Variants in COL18A1 observed in about 807,000 individuals in gnomAD.
COL18A1 encodes the protein collagen alpha-1(XVIII) chain.
In COL18A1, 133 loss-of-function variants were observed where a neutral mutation model predicts 168.0. The observed-to-expected ratio is 0.79, with a 90% CI of 0.69 to 0.91. The LOEUF (loss-of-function observed/expected upper bound fraction) is 0.91. Among genes scored for constraint, COL18A1 ranks in the 40% least tolerant of loss-of-function variants. The pLI, the probability that COL18A1 is intolerant of heterozygous loss-of-function variation, is 0.00. For synonymous variants in COL18A1, 949 were observed against 809.0 expected (o/e 1.17, Z -2.94); for missense variants, 2,126 against 1,925.4 (o/e 1.10, Z -1.95).
Position 45,482,963 on chromosome 21 carries a change from C to A in COL18A1, c.1701+142C>A. On this transcript the variant is annotated intron_variant, in intron 15 of 41. Coordinates refer to ENST00000651438, the MANE Select transcript of COL18A1 (RefSeq NM_001379500.1). ...CTTGACCCCCACTCCTGCCATCTGT[C>A]CATCCGTCCTGCCGGAATCGCGGGC... The A allele has an allele frequency of 2.4e-6, 3 of 1,249,078 alleles. 1 individual carries two copies. The South Asian group carries it at 3.8e-5, about 16-fold the overall frequency. 77.4% of individuals were successfully genotyped at this position (1,249,078 alleles called of 1,614,324 possible).
chr21:45,440,378 G>A (rs1201706895), intron 2 of COL18A1, among the ~76,000 whole-genome samples: 1 of 152,224 alleles, frequency 6.6e-6, no homozygotes, highest in Non-Finnish European at 1.5e-5. Flanking sequence ...GCCTGCCAGG[G>A]GTCCACTGGG....
chr21:45,480,347 C>T (rs910653537), intron 11 of COL18A1, 120 bp from the exon 12 acceptor site: 83 of 1,569,602 alleles, frequency 5.3e-5, no homozygotes, highest in Non-Finnish European at 6.0e-5. Flanking sequence ...GCAGAGGGGC[C>T]GTGGTTTCTC....
intron 6 of COL18A1, among the ~76,000 whole-genome samples, 192 bp downstream of exon 6, chr21:45,476,672 T>G: frequency 6.8e-6 from 1 of 146,620 alleles, no homozygotes; most frequent in Admixed American, 6.9e-5. Flanking sequence ...TGGTGTGTGA[T>G]GTGCATGTTT....
chr21:45,499,019 G>A (rs1010115537), intron 32 of COL18A1, among the ~76,000 whole-genome samples: 4 of 152,192 alleles, frequency 2.6e-5, no homozygotes, highest in Non-Finnish European at 4.4e-5. Flanking sequence ...GTTTGCAGGC[G>A]GAATGGCTGA....
At chr21:45,508,125 GGGTGGGTGGGTGGATGGAAA>G (rs1568948178) in intron 38 of COL18A1, among the ~76,000 whole-genome samples, 2 of 151,268 alleles carry the variant, frequency 1.3e-5, no homozygotes, top group East Asian at 2.0e-4. Flanking sequence ...GTGAGTGGAC[GGGTGGGTGGGTGGATGGAAA>G]GGTGGGTGAG....
intron 2 of COL18A1, among the ~76,000 whole-genome samples, chr21:45,441,844 G>A (rs926677116): frequency 2.6e-5 from 4 of 152,174 alleles, no homozygotes; most frequent in South Asian, 2.1e-4. Flanking sequence ...CTGGGAACAC[G>A]GCTCTCTCCA....
rs764889872 is a variant in COL18A1 at position 45,494,848 on chromosome 21, C to A, written c.2380-14C>A. 2.5e-6 allele frequency: 4 copies of A among 1,605,266 alleles called. No individual in the cohort carries two copies. In the East Asian group the frequency reaches 9.0e-5, roughly 36 times the overall value. ...GGGTCTGCCCCACTAAGCCTGGCCC[C>A]CTTCCTCTTGCAGGGTCCATACGGA... is the stretch of plus-strand genomic sequence containing the variant. On this transcript the variant is annotated splice_polypyrimidine_tract_variant and intron_variant, in intron 27 of 41. Transcript: ENST00000651438.
At chr21:45,476,784 G>GGT (rs758385851) in intron 6 of COL18A1, among the ~76,000 whole-genome samples, 5 of 150,488 alleles carry the variant, frequency 3.3e-5, no homozygotes, top group South Asian at 2.1e-4. Context: ...TGTGTGGTGT[G>GGT]GTGTGTGTGT....
chr21:45,492,743 T>TACCC, intron 24 of COL18A1, 30 bp downstream of exon 24: 1 of 1,007,950 alleles, frequency 9.9e-7, no homozygotes, highest in African/African-American at 3.4e-5. Flanking sequence ...AGCTGCATGC[T>TACCC]GCCCGGCTGG....
chr21:45,426,727 C>T (rs546136238), intron 2 of COL18A1, among the ~76,000 whole-genome samples: 3 of 152,366 alleles, frequency 2.0e-5, no homozygotes, highest in Non-Finnish European at 4.4e-5. Flanking sequence ...TTGCCCACTT[C>T]GTCCAGCAGG....
intron 2 of COL18A1, among the ~76,000 whole-genome samples, chr21:45,438,760 G>A (rs566697391): frequency 4.9e-4 from 75 of 152,362 alleles, no homozygotes; most frequent in African/African-American, 1.7e-3. Flanking sequence ...GGACAAAGGC[G>A]CATCTAATCC....
In COL18A1 at chr21:45,437,869, GAC is replaced by G. The variant is rs145668539; in HGVS notation, c.107-30367_107-30366del. 1.2e-3 allele frequency among the ~76,000 whole-genome samples: 33 copies of G among 27,030 alleles called. 2 individuals are homozygous for G. The highest frequency in any genetic ancestry group is 2.8e-3 in the African/African-American group (7 of 2,470). The allele number at this position is 27,030 out of a possible 152,430, so 17.7% of individuals were successfully genotyped here. A position where few individuals can be genotyped will look rare whatever the true frequency, so the allele number is the denominator to read the frequency against. ...CTGCACACACTCACACTCACACTCA[GAC>G]ACACAGGCACTCTCCTGCACACACA... On this transcript the variant is annotated intron_variant, in intron 2 of 41. Coordinates refer to ENST00000651438, the MANE Select transcript of COL18A1 (RefSeq NM_001379500.1).
rs144923776 is a variant in COL18A1 at position 45,428,060 on chromosome 21, C to T, written c.106+22587C>T. ...ACTGCTCGCGCCGGCCAAGGCCCGT[C>T]GGCACCACCTCCTCCATGAAGCCTT... On this transcript the variant is annotated intron_variant, in intron 2 of 41. Transcript: ENST00000651438. Among the ~76,000 whole-genome samples, 222 of 152,320 alleles carry T rather than the reference C, an allele frequency of 1.5e-3. 1 individual carries two copies. The highest frequency in any genetic ancestry group is 3.4e-3 in the Middle Eastern group (1 of 294).
chr21:45,506,978 ACCCGGATGCAG>A (rs2037245416), intron 37 of COL18A1: 1 of 275,752 alleles, frequency 3.6e-6, no homozygotes, highest in Non-Finnish European at 7.3e-6. Context: ...GCTTGTAGGC[ACCCGGATGCAG>A]CCCCATCCTA....
intron 3 of COL18A1, among the ~76,000 whole-genome samples, chr21:45,470,481 GTTT>G (rs1260989970): frequency 5.1e-5 from 4 of 77,818 alleles, no homozygotes; most frequent in Non-Finnish European, 9.3e-5. Context: ...TTTTTTGTGG[GTTT>G]TTTTTTTGTT....
chr21:45,508,208 GTAT>G, intron 38 of COL18A1, among the ~76,000 whole-genome samples: 1 of 150,408 alleles, frequency 6.6e-6, no homozygotes, highest in African/African-American at 2.5e-5. Flanking sequence ...GTGGGTGAGT[GTAT>G]GAATGGGTGG....
chr21:45,495,377 G>A lies in COL18A1; in HGVS notation c.2453G>A (p.Gly818Glu). Residue 818 changes from glycine (G) to glutamate (E), a missense_variant, in exon 29 of 42, where the codon GGA becomes GAA. Transcript: ENST00000651438. ...CCCCAGGGTCGCCCCGGGATGAACGGATTGAAAGGAGAGAAAGGGGAGCCG... is the reference window on the plus strand; with the variant it reads ...CCCCAGGGTCGCCCCGGGATGAACGAATTGAAAGGAGAGAAAGGGGAGCCG... ...PGRPGRPGMN[G>E]LKGEKGEPGD... The A allele has an allele frequency of 6.2e-7, 1 of 1,611,346 alleles. No homozygotes were observed. Among genetic ancestry groups the A allele is most frequent in the Non-Finnish European group, 8.5e-7 (1 of 1,178,922 alleles).
At chr21:45,504,719 C>T (rs2037085916) in intron 34 of COL18A1, among the ~76,000 whole-genome samples, 163 bp downstream of exon 34, 2 of 152,056 alleles carry the variant, frequency 1.3e-5, no homozygotes, top group Non-Finnish European at 2.9e-5. Flanking sequence ...CGCAGCAGGC[C>T]ACATGGGTGT....
intron 39 of COL18A1, 80 bp downstream of exon 39, chr21:45,509,681 A>C: frequency 1.2e-6 from 1 of 834,450 alleles, no homozygotes; most frequent in Non-Finnish European, 2.0e-6. Context: ...GCCCCTGCAG[A>C]GCTGCTGGGG....
Sources: allele counts gnomAD v4.1 joint callset (sites outside exome capture counted in the v4.1 genomes callset), GRCh38; gene constraint gnomAD v4.1.1; transcripts MANE v1.5; gene names NCBI Gene and HGNC (gene_info 2026-07-23, HGNC 2026-07-21).